Variants in NEK7 observed in about 807,000 individuals in gnomAD.
NEK7 encodes serine/threonine-protein kinase Nek7.
NEK7 carries 18 observed loss-of-function variants against 44.6 expected under a neutral mutation model. That is an observed-to-expected ratio of 0.40 (90% CI 0.28 to 0.60). NEK7 has a LOEUF of 0.60. NEK7 is among the 20% of genes least tolerant of loss of function. The pLI is 0.38. For synonymous variants in NEK7, 130 were observed against 121.1 expected, an observed-to-expected ratio of 1.07 and a Z score of -0.48; for missense variants, 256 against 366.5, an observed-to-expected ratio of 0.70 and a Z score of 2.46.
intron 5 of NEK7, among the ~76,000 whole-genome samples, chr1:198,276,140 G>A (rs1377564538): frequency 6.6e-6 from 1 of 151,452 alleles, no homozygotes; most frequent in African/African-American, 2.4e-5. Flanking sequence ...AGATTATCTT[G>A]GTCCGGTAAC....
rs760689133 is a variant in NEK7, at chr1:198,221,954, C to T, written c.-28-10599C>T. ...AGTATAATGTTATCTAGTATAGTGTCGTTGAGAACTGTATCATTTGTAATA... is the reference window on the plus strand; with the variant it reads ...AGTATAATGTTATCTAGTATAGTGTTGTTGAGAACTGTATCATTTGTAATA... On this transcript the variant is annotated intron_variant, in intron 1 of 9. Coordinates refer to ENST00000367385, the MANE Select transcript of NEK7 (RefSeq NM_133494.3). 5.9e-4 allele frequency among the ~76,000 whole-genome samples: 89 copies of T among 150,416 alleles called. 1 individual carries two copies. The highest frequency in any genetic ancestry group is 9.5e-4 in the Non-Finnish European group (64 of 67,620).
chr1:198,218,851 A>C (rs915441172), intron 1 of NEK7, among the ~76,000 whole-genome samples: 1 of 152,070 alleles, frequency 6.6e-6, no homozygotes, highest in South Asian at 2.1e-4. Context: ...TTAAAACCAC[A>C]ATGAGATACC....
At chr1:198,288,007 A>G (rs1247751963) in intron 7 of NEK7, among the ~76,000 whole-genome samples, 5 of 152,202 alleles carry the variant, frequency 3.3e-5, no homozygotes, top group African/African-American at 1.2e-4. Context: ...AGTGTGATAT[A>G]TCCTCTGATT....
chr1:198,226,604 T>G (rs1463502257), intron 1 of NEK7, among the ~76,000 whole-genome samples: 2 of 152,070 alleles, frequency 1.3e-5, no homozygotes, highest in African/African-American at 4.8e-5. Flanking sequence ...CAAATAATTT[T>G]TATTCATCGT....
intron 9 of NEK7, among the ~76,000 whole-genome samples, chr1:198,309,209 G>C (rs1191345821): frequency 6.6e-6 from 1 of 152,106 alleles, no homozygotes; most frequent in Non-Finnish European, 1.5e-5. Flanking sequence ...ACAGGTGAGA[G>C]AGCTAGGGGT....
At chr1:198,198,713 C>G (rs1190230109) in intron 1 of NEK7, among the ~76,000 whole-genome samples, 1 of 152,230 alleles carries the variant, frequency 6.6e-6, no homozygotes, top group African/African-American at 2.4e-5. Flanking sequence ...AGATGAGAAT[C>G]TCTTTCCGTT....
chr1:198,169,421 T>C (rs781006702), intron 1 of NEK7, among the ~76,000 whole-genome samples: 3 of 152,178 alleles, frequency 2.0e-5, no homozygotes, highest in Non-Finnish European at 2.9e-5. Context: ...AATATTTAAG[T>C]TTTTATTAAT....
intron 1 of NEK7, among the ~76,000 whole-genome samples, chr1:198,210,814 G>A (rs866242678): frequency 3.8e-5 from 5 of 129,984 alleles, no homozygotes; most frequent in Admixed American, 8.7e-5. Context: ...GTGCAGTGGC[G>A]CAATCTTGGC....
chr1:198,223,221 A>G (rs182289710), intron 1 of NEK7, among the ~76,000 whole-genome samples: 134 of 152,326 alleles, frequency 8.8e-4, no homozygotes, highest in Admixed American at 1.3e-3. Flanking sequence ...AGAATGGTAG[A>G]AAAAGAGAGA....
intron 1 of NEK7, among the ~76,000 whole-genome samples, chr1:198,231,568 G>A (rs897253664): frequency 2.0e-5 from 3 of 151,492 alleles, no homozygotes; most frequent in South Asian, 2.1e-4. Flanking sequence ...AGCACTTAGA[G>A]TAGAAAAATA....
chr1:198,317,896 T>TTTTTTTTTTTC, intron 9 of NEK7, among the ~76,000 whole-genome samples: 1 of 148,300 alleles, frequency 6.7e-6, no homozygotes, highest in Non-Finnish European at 1.5e-5. Flanking sequence ...TTTTTTTTTT[T>TTTTTTTTTTTC]TTTTGGTAAC....
intron 1 of NEK7, among the ~76,000 whole-genome samples, chr1:198,194,906 C>T (rs1012670599): frequency 2.2e-4 from 34 of 152,250 alleles, no homozygotes; most frequent in Admixed American, 4.6e-4. Context: ...TTTCCACAGT[C>T]GTTGAACTGA....
intron 1 of NEK7, chr1:198,197,956 T>A: frequency 6.5e-7 from 1 of 1,534,314 alleles, no homozygotes. Flanking sequence ...AGGTGGTGGG[T>A]ATGGAGGAGG....
chr1:198,224,925 T>C (rs781454639), intron 1 of NEK7, among the ~76,000 whole-genome samples: 50 of 152,278 alleles, frequency 3.3e-4, no homozygotes, highest in South Asian at 1.4e-3. Context: ...AGAGGTGGAA[T>C]GCTTTATTCT....
intron 3 of NEK7, among the ~76,000 whole-genome samples, chr1:198,255,158 C>T (rs1240842813): frequency 1.3e-5 from 2 of 152,096 alleles, no homozygotes; most frequent in African/African-American, 4.8e-5. Flanking sequence ...AATATGAGCC[C>T]AGATTGTGGT....
chr1:198,268,363 G>T (rs1653722667), intron 5 of NEK7, among the ~76,000 whole-genome samples: 1 of 69,244 alleles, frequency 1.4e-5, no homozygotes, highest in African/African-American at 7.4e-5. Flanking sequence ...AGTTTATCTC[G>T]TGCACTCTGG....
In NEK7 at chr1:198,320,950, C is replaced by T. The variant is rs889752661; in HGVS notation, c.*1428C>T. ...CAGATGTGTTTTCCCTGAATGCTTTCGTATTAGTGGCGACCAGTTTCTCAC... is the reference window on the plus strand; with the variant it reads ...CAGATGTGTTTTCCCTGAATGCTTTTGTATTAGTGGCGACCAGTTTCTCAC... On this transcript the variant is annotated 3_prime_UTR_variant, in exon 10 of 10. Coordinates refer to ENST00000367385, the MANE Select transcript of NEK7 (RefSeq NM_133494.3). 16 of 152,276 alleles carry T rather than the reference C, an allele frequency of 1.1e-4. No individual in the cohort carries two copies. The highest frequency in any genetic ancestry group is 1.9e-4 in the Non-Finnish European group (13 of 68,028). 9.4% of individuals were successfully genotyped at this position (152,276 alleles called of 1,614,324 possible).
intron 9 of NEK7, among the ~76,000 whole-genome samples, chr1:198,314,718 G>C (rs1183374534): frequency 1.3e-5 from 2 of 152,204 alleles, no homozygotes; most frequent in Admixed American, 1.3e-4. Flanking sequence ...TGCCCCTGCA[G>C]GGGGGTGCCT....
At chr1:198,181,747 C>T (rs1317390114) in intron 1 of NEK7, among the ~76,000 whole-genome samples, 1 of 152,018 alleles carries the variant, frequency 6.6e-6, no homozygotes, top group Non-Finnish European at 1.5e-5. Context: ...CATGTAGTGC[C>T]ATTACTGAAG....
Sources: gnomAD v4.1 joint callset for allele counts (sites outside exome capture counted in the v4.1 genomes callset) on GRCh38, gnomAD v4.1.1 for gene constraint, MANE v1.5 for transcripts, NCBI Gene and HGNC (gene_info 2026-07-23, HGNC 2026-07-21) for gene names.